DYTN: variants seen among roughly 807,000 people sequenced by gnomAD.
DYTN encodes dystrotelin.
In DYTN, 75 loss-of-function variants were observed where a neutral mutation model predicts 69.6. The observed-to-expected ratio is 1.08, with a 90% confidence interval of 0.89 to 1.31. The LOEUF (loss-of-function observed/expected upper bound fraction) is 1.31. Ranked by LOEUF, DYTN falls within the 50% of genes most tolerant of loss-of-function variation. The probability of loss-of-function intolerance (pLI) is 0.00; values close to 1 mark genes in which losing one functional copy is unlikely to be tolerated. For synonymous variants in DYTN, 252 were observed against 249.1 expected (o/e 1.01, Z -0.11); for missense variants, 726 against 688.4 (o/e 1.05, Z -0.61).
chr2:206,658,882 A>G (rs1699476143), intron 11 of DYTN, among the ~76,000 whole-genome samples: 1 of 152,182 alleles, frequency 6.6e-6, no homozygotes, highest in South Asian at 2.1e-4. Flanking sequence ...ATAGTTAAAA[A>G]GGATGGAAAA....
chr2:206,687,761 A>C (rs2105895803), intron 9 of DYTN, among the ~76,000 whole-genome samples: 1 of 152,242 alleles, frequency 6.6e-6, no homozygotes, highest in African/African-American at 2.4e-5. Flanking sequence ...TTGAAATATC[A>C]CCTTTATCAT....
chr2:206,704,844 T>A lies in DYTN; in HGVS notation c.482A>T (p.Gln161Leu), dbSNP rs751461326. 1.2e-6 allele frequency: 2 copies of A among 1,612,922 alleles called. No homozygotes were observed. The highest frequency in any genetic ancestry group is 2.2e-5 in the East Asian group (1 of 44,844). ...AGTTCTTAAGTATTAGGAATTTACC[T>A]GCTGTAGATCTGTTAGTAGTTTTCT... ...VLRKLLTDLQ[Q>L]IPTFVGESRA... Residue 161 changes from glutamine to leucine, a missense_variant and splice_region_variant, in exon 5 of 12, where the codon CAG (glutamine) becomes CTG (leucine). Coordinates refer to ENST00000452335, the MANE Select transcript of DYTN (RefSeq NM_001093730.1).
chr2:206,659,164 C>CTTTTTTTT lies in DYTN; in HGVS notation c.1633+3731_1633+3738dup, dbSNP rs758156864. 5.5e-5 allele frequency among the ~76,000 whole-genome samples: 3 copies of CTTTTTTTT among 54,278 alleles called. 1 individual carries two copies. Among genetic ancestry groups the CTTTTTTTT allele is most frequent in the African/African-American group, 1.5e-4 (2 of 13,394 alleles). The allele number at this position is 54,278 out of a possible 152,430, so 35.6% of individuals were successfully genotyped here. A position where few individuals can be genotyped will look rare whatever the true frequency, so the allele number is the denominator to read the frequency against. Reference sequence around the variant, plus strand: ...CTTTTCCGTTAAGTTCTCACAGTCTCTTTTTTTTTTTTTTTTTTTTTTTTT... The same window carrying CTTTTTTTT: ...CTTTTCCGTTAAGTTCTCACAGTCTCTTTTTTTTTTTTTTTTTTTTTTTTTTTTTTTTT... On this transcript the variant is annotated intron_variant, in intron 11 of 11. Transcript: ENST00000452335.
Position 206,663,058 on chromosome 2 carries a change from T to C in DYTN, c.1478A>G (p.Lys493Arg). ...YQEGLKQDIP[K>R]MVPAEMSSPA... is the part of the protein sequence containing the mutation. ...ACTGCTCATTTCAGCAGGAACCATTTTGGGGATGTCCTGCTTCAGTCCCTC... is the reference window on the plus strand; with the variant it reads ...ACTGCTCATTTCAGCAGGAACCATTCTGGGGATGTCCTGCTTCAGTCCCTC... The change falls in exon 11 of 12, where the codon AAA becomes AGA. Residue 493 changes from lysine to arginine, a missense_variant. Physicochemically the swap from Lys to Arg is conservative, Grantham distance 26 (BLOSUM62 2). Coordinates refer to ENST00000452335, the MANE Select transcript of DYTN (RefSeq NM_001093730.1). The C allele has an allele frequency of 1.9e-6, 3 of 1,613,870 alleles. No individual in the cohort carries two copies. The highest frequency in any genetic ancestry group is 2.7e-5 in the African/African-American group (2 of 74,994).
intron 9 of DYTN, among the ~76,000 whole-genome samples, chr2:206,667,691 C>CGTGTGT (rs1553572200): frequency 4.6e-5 from 6 of 130,368 alleles, no homozygotes; most frequent in Non-Finnish European, 8.2e-5. Context: ...GGCAACTTTG[C>CGTGTGT]GTGTGCGTGT....
chr2:206,705,206 C>T (rs992428089), intron 4 of DYTN, among the ~76,000 whole-genome samples: 1 of 152,238 alleles, frequency 6.6e-6, no homozygotes, highest in Non-Finnish European at 1.5e-5. Context: ...AAGCGATTCT[C>T]TTGCCTCAGC....
In DYTN at chr2:206,665,926, T is replaced by A. The variant is rs915037304; in HGVS notation, c.1084A>T (p.Lys362Ter). ...CRFETRIHKL[K>*]TNQDSLWTKL... ...GTCCATAGACTATCCTGGTTGGTTT[T>A]GAGTTTGTGAATCCTTGTTTCAAAT... The change falls in exon 10 of 12, where the codon AAA becomes TAA. Residue 362 changes from lysine to a stop codon, truncating the protein, a stop_gained. Coordinates refer to ENST00000452335, the MANE Select transcript of DYTN (RefSeq NM_001093730.1). LOFTEE classifies it high-confidence loss of function. 5 of 1,613,888 alleles carry A rather than the reference T, an allele frequency of 3.1e-6. No individual in the cohort carries two copies. The highest frequency in any genetic ancestry group is 4.2e-6 in the Non-Finnish European group (5 of 1,179,890).
In DYTN at chr2:206,710,252, A is replaced by G. The variant is rs149762792; in HGVS notation, c.94+272T>C. 6.2e-4 allele frequency among the ~76,000 whole-genome samples: 95 copies of G among 152,336 alleles called. 1 individual carries two copies. The highest frequency in any genetic ancestry group is 1.8e-3 in the African/African-American group (76 of 41,566). On this transcript the variant is annotated intron_variant, in intron 2 of 11. Coordinates refer to ENST00000452335, the MANE Select transcript of DYTN (RefSeq NM_001093730.1). ...GAAAAGGAAACCAAAAACATTTTCT[A>G]GAAGAAGCCAAGTGGAGAAAATATT...
intron 9 of DYTN, among the ~76,000 whole-genome samples, chr2:206,684,061 G>A (rs1699781010): frequency 6.6e-6 from 1 of 151,370 alleles, no homozygotes; most frequent in South Asian, 2.1e-4. Context: ...CTCACCGAGA[G>A]CAGAAATCCT....
At chr2:206,667,614 G>A (rs6757638) in intron 9 of DYTN, among the ~76,000 whole-genome samples, 18,646 of 151,712 alleles carry the variant, frequency 0.12, 1,186 homozygotes, top group Non-Finnish European at 0.14. Context: ...TATGGGCTTT[G>A]CTTATTATTT....
chr2:206,713,175 G>A (rs1207624784), intron 1 of DYTN, among the ~76,000 whole-genome samples: 1 of 152,182 alleles, frequency 6.6e-6, no homozygotes, highest in African/African-American at 2.4e-5. Flanking sequence ...CAAAATATGT[G>A]TATCTCGTGG....
rs201301748 is a variant in DYTN at position 206,704,875 on chromosome 2, C to G, written c.451G>C (p.Val151Leu). 1.2e-4 allele frequency: 191 copies of G among 1,613,494 alleles called. 1 individual carries two copies. The highest frequency in any genetic ancestry group is 1.6e-4 in the Middle Eastern group (1 of 6,084). Reference protein sequence around the residue: ...YDSGPRMTRRVLRKLLTDLQQ... With the variant: ...YDSGPRMTRRLLRKLLTDLQQ... Reference sequence around the variant, plus strand: ...AGATCTGTTAGTAGTTTTCTCAAAACCCTTCGAGTCATGCGTGGCCCAGAA... The same window carrying G: ...AGATCTGTTAGTAGTTTTCTCAAAAGCCTTCGAGTCATGCGTGGCCCAGAA... Residue 151 changes from valine to leucine, a missense_variant, in exon 5 of 12, where the codon GTT becomes CTT. By Grantham distance (32) the Val-to-Leu change is conservative. Coordinates refer to ENST00000452335, the MANE Select transcript of DYTN (RefSeq NM_001093730.1).
In DYTN at chr2:206,710,591, A is replaced by G; in HGVS notation, c.27T>C (p.Leu9=). The G allele has an allele frequency of 2.5e-6, 4 of 1,605,530 alleles. No individual in the cohort carries two copies. The highest frequency in any genetic ancestry group is 3.4e-6 in the Non-Finnish European group (4 of 1,175,190). ...TATAAATGGAATTCTCAATACTATTAAGAGCATCTGTAAAGAAAACGTAAA... is the reference window on the plus strand; with the variant it reads ...TATAAATGGAATTCTCAATACTATTGAGAGCATCTGTAAAGAAAACGTAAA... MDPDKQDA[L]NSIENSIYRT... Residue 9 remains leucine (L), a synonymous_variant, in exon 2 of 12, where the codon CTT becomes CTC. Transcript: ENST00000452335.
At chr2:206,699,695 G>A (rs896539393) in intron 7 of DYTN, 32 bp downstream of exon 7, 17 of 1,598,876 alleles carry the variant, frequency 1.1e-5, no homozygotes, top group African/African-American at 1.3e-5. Flanking sequence ...TATGGAGAAT[G>A]ATAATCCAAG....
chr2:206,674,115 G>A (rs1026501539), intron 9 of DYTN, among the ~76,000 whole-genome samples: 1 of 152,014 alleles, frequency 6.6e-6, no homozygotes, highest in Non-Finnish European at 1.5e-5. Context: ...TTATGCAATT[G>A]GGCATATTAA....
chr2:206,676,637 G>A (rs1699691848), intron 9 of DYTN, among the ~76,000 whole-genome samples: 1 of 152,128 alleles, frequency 6.6e-6, no homozygotes, highest in African/African-American at 2.4e-5. Flanking sequence ...AAATGAAAAG[G>A]GGGAAAATGG....
intron 9 of DYTN, among the ~76,000 whole-genome samples, chr2:206,690,456 T>C (rs1699852574): frequency 6.6e-6 from 1 of 152,140 alleles, no homozygotes; most frequent in Non-Finnish European, 1.5e-5. Flanking sequence ...AGTGACATGA[T>C]CTGGCCAAAA....
chr2:206,680,639 T>C (rs1699741706), intron 9 of DYTN, among the ~76,000 whole-genome samples: 6 of 152,202 alleles, frequency 3.9e-5, no homozygotes, highest in Admixed American at 3.9e-4. Context: ...TTCCACCACT[T>C]TTCTACGAAG....
chr2:206,652,592 A>AT (rs746826092), intron 11 of DYTN, among the ~76,000 whole-genome samples: 51 of 152,364 alleles, frequency 3.3e-4, no homozygotes, highest in Non-Finnish European at 5.7e-4. Flanking sequence ...TATTTTTGTG[A>AT]TAAAAATTGG....
Sources: gnomAD v4.1 joint callset for allele counts (sites outside exome capture counted in the v4.1 genomes callset) on GRCh38, gnomAD v4.1.1 for gene constraint, MANE v1.5 for transcripts, NCBI Gene and HGNC (gene_info 2026-07-23, HGNC 2026-07-21) for gene names.